C5: variants seen among roughly 807,000 people sequenced by gnomAD.
The protein encoded by C5 is complement C5.
Under a neutral mutation model 218.8 loss-of-function variants are expected in C5, and 140 were observed. The ratio of observed to expected loss-of-function variants is 0.64; its 90% CI spans 0.56 to 0.74. The LOEUF (loss-of-function observed/expected upper bound fraction) is 0.74, where lower values mean the gene tolerates loss of function less well. Ranked by LOEUF, C5 falls within the 30% of genes least tolerant of loss-of-function variation. C5 has a pLI of 0.00. For missense variants in C5, 1,700 were observed against 1,969.6 expected (o/e 0.86, Z 2.59); for synonymous variants, 614 against 682.3 (o/e 0.90, Z 1.56).
At chr9:121,048,880 T>C (rs2047650792) in intron 1 of C5, among the ~76,000 whole-genome samples, 1 of 152,336 alleles carries the variant, frequency 6.6e-6, no homozygotes, top group African/African-American at 2.4e-5. Flanking sequence ...GCAGCCTCCT[T>C]AAGAGAACCT....
chr9:120,974,751 A>T (rs753635195), intron 30 of C5, 28 bp downstream of exon 30: 2 of 1,596,188 alleles, frequency 1.3e-6, no homozygotes, highest in Admixed American at 1.7e-5. Context: ...AGCCAATTGT[A>T]AAATACTACA....
intron 6 of C5, 50 bp downstream of exon 6, chr9:121,032,062 CA>C: frequency 8.2e-7 from 1 of 1,214,320 alleles, no homozygotes. Flanking sequence ...GACTCCATCT[CA>C]AAAACAAAAA....
intron 40 of C5, 24 bp downstream of exon 40, chr9:120,953,706 G>T (rs781739988): frequency 9.3e-6 from 15 of 1,612,344 alleles, no homozygotes; most frequent in Middle Eastern, 1.7e-4. Flanking sequence ...GAAGATCAGT[G>T]ACTGAAAAAT....
In C5 at chr9:121,043,052, A is replaced by C. The variant is rs2047594636; in HGVS notation, c.373T>G (p.Phe125Val). 1 of 1,612,990 alleles carries C rather than the reference A, an allele frequency of 6.2e-7. No homozygotes were observed. Among genetic ancestry groups the C allele is most frequent in the Non-Finnish European group, 8.5e-7 (1 of 1,179,268 alleles). Residue 125 changes from phenylalanine (F) to valine (V), a missense_variant, in exon 3 of 41, where the codon TTT becomes GTT. Coordinates refer to ENST00000223642, the MANE Select transcript of C5 (RefSeq NM_001735.3). ...GGTTTGTCTGTATGAATGAAGAGAA[A>C]TCCATTGTCATAGGTTATTGGCATT... is the stretch of plus-strand genomic sequence containing the variant. ...KRMPITYDNG[F>V]LFIHTDKPVY...
intron 39 of C5, among the ~76,000 whole-genome samples, chr9:120,955,499 T>C (rs2046777807): frequency 6.6e-6 from 1 of 152,200 alleles, no homozygotes; most frequent in South Asian, 2.1e-4. Context: ...AAAAAGAGAA[T>C]GGCTTATTAC....
upstream of C5, among the ~76,000 whole-genome samples, chr9:121,050,734 T>C (rs2047665803): frequency 6.6e-6 from 1 of 152,192 alleles, no homozygotes; most frequent in African/African-American, 2.4e-5. Flanking sequence ...GTGACCTGAA[T>C]GGCAGTGTCC....
At chr9:121,055,785 G>C in the C5 span, among the ~76,000 whole-genome samples, 1 of 152,288 alleles carries the variant, frequency 6.6e-6, no homozygotes, top group South Asian at 2.1e-4. Flanking sequence ...ATACAGAGCT[G>C]GTCTGGAAGG....
At chr9:121,054,095 G>T (rs929109264), upstream of C5, among the ~76,000 whole-genome samples, 1 of 152,062 alleles carries the variant, frequency 6.6e-6, no homozygotes, top group East Asian at 1.9e-4. Flanking sequence ...ATTCCTGGCC[G>T]TGATGGGAAG....
chr9:121,063,076 T>G, the C5 span, among the ~76,000 whole-genome samples: 3 of 151,924 alleles, frequency 2.0e-5, no homozygotes, highest in East Asian at 5.8e-4. Context: ...CTTTCCTCTC[T>G]CTCTCGTCTC....
intron 5 of C5, among the ~76,000 whole-genome samples, chr9:121,032,411 A>G (rs2047483888): frequency 6.6e-6 from 1 of 152,202 alleles, no homozygotes; most frequent in South Asian, 2.1e-4. Flanking sequence ...CCAGTTTTTC[A>G]TATATTGTAT....
intron 22 of C5, among the ~76,000 whole-genome samples, chr9:120,995,110 C>G (rs1436087995): frequency 6.6e-6 from 1 of 152,120 alleles, no homozygotes; most frequent in Non-Finnish European, 1.5e-5. Flanking sequence ...GACGCATGTA[C>G]ATAGATGGAT....
In C5 at chr9:120,961,501, G is replaced by A. The variant is rs778838090; in HGVS notation, c.4569C>T (p.Ala1523=). 6.8e-6 allele frequency: 11 copies of A among 1,611,042 alleles called. No homozygotes were observed. The highest frequency in any genetic ancestry group is 1.7e-5 in the Admixed American group (1 of 59,970). Residue 1523 remains alanine, a synonymous_variant, in exon 37 of 41, where the codon GCC becomes GCT. Transcript: ENST00000223642. ...NIKIQKVCEG[A]ACKCVEADCG... ...GTTTACCTTCTACACACTTGCACGC[G>A]GCTCCTTCACAGACTTTCTGAATTT...
At chr9:121,007,109 A>G (rs1564148751) in intron 18 of C5, 132 bp from the exon 19 acceptor site, 1 of 702,546 alleles carries the variant, frequency 1.4e-6, no homozygotes, top group Non-Finnish European at 2.6e-6. Flanking sequence ...ATGAAATCAC[A>G]TCATTAAGGA....
In C5 at chr9:121,010,605, A is replaced by G. The variant is rs1036324048; in HGVS notation, c.2258-2107T>C. Among the ~76,000 whole-genome samples, 4 of 152,186 alleles carry G rather than the reference A, an allele frequency of 2.6e-5. No individual in the cohort carries two copies. In the South Asian group the frequency reaches 6.2e-4, roughly 24 times the overall value. On this transcript the variant is annotated intron_variant, in intron 17 of 40. Coordinates refer to ENST00000223642, the MANE Select transcript of C5 (RefSeq NM_001735.3). ...CAATGCAATCTCTATGAAAACACCA[A>G]TAACATTCTTTGCAGAAATAGAAAA...
At chr9:120,977,766 G>A (rs1294260236) in intron 28 of C5, among the ~76,000 whole-genome samples, 2 of 152,116 alleles carry the variant, frequency 1.3e-5, no homozygotes, top group Admixed American at 6.6e-5. Context: ...ACTAGGAAGG[G>A]GCAGTTTAGT....
intron 38 of C5, among the ~76,000 whole-genome samples, chr9:120,959,698 A>T (rs1469450479): frequency 1.3e-5 from 2 of 152,264 alleles, no homozygotes; most frequent in African/African-American, 4.8e-5. Flanking sequence ...AACTGAGACA[A>T]GGCTACAACT....
the C5 span, among the ~76,000 whole-genome samples, chr9:121,064,827 G>C: frequency 6.6e-5 from 10 of 152,190 alleles, no homozygotes; most frequent in African/African-American, 2.2e-4. Flanking sequence ...GGATTTGGGA[G>C]GCTGAGGAAG....
rs1399747078 is a variant in C5 at position 120,969,115 on chromosome 9, G to A, written c.4166C>T (p.Ser1389Phe). The A allele has an allele frequency of 1.2e-6, 2 of 1,613,650 alleles. No individual in the cohort carries two copies. Among genetic ancestry groups the A allele is most frequent in the African/African-American group, 1.3e-5 (1 of 75,052 alleles). ...AGAGTTTCCGTAGCCTCTGTAGTGG[G>A]ATGCTGGCACATAAGACAAGAAAAC... ...LKIDTQDIEASHYRGYGNSDY... is the reference protein window; with the variant it reads ...LKIDTQDIEAFHYRGYGNSDY... Residue 1389 changes from serine (S) to phenylalanine (F), a missense_variant, in exon 33 of 41, where the codon TCC becomes TTC. By Grantham distance (155) the Ser-to-Phe change is radical. Coordinates refer to ENST00000223642, the MANE Select transcript of C5 (RefSeq NM_001735.3).
chr9:121,004,698 GGGA>G (rs368151202), intron 20 of C5, among the ~76,000 whole-genome samples: 5 of 152,104 alleles, frequency 3.3e-5, no homozygotes, highest in Admixed American at 1.3e-4. Flanking sequence ...GCTTGAACAG[GGGA>G]GGAGGAGTTT....
Sources: gnomAD v4.1 joint callset for allele counts (sites outside exome capture counted in the v4.1 genomes callset) on GRCh38, gnomAD v4.1.1 for gene constraint, MANE v1.5 for transcripts, NCBI Gene and HGNC (gene_info 2026-07-23, HGNC 2026-07-21) for gene names.